Variants in FNBP1 observed in about 807,000 individuals in gnomAD.
FNBP1 encodes the protein formin-binding protein 1.
FNBP1 carries 26 observed loss-of-function variants against 90.6 expected under a neutral mutation model. The observed-to-expected ratio is 0.29, with a 90% CI of 0.21 to 0.40. FNBP1 has a LOEUF of 0.40. Among genes scored for constraint, FNBP1 ranks in the 10% least tolerant of loss-of-function variants. FNBP1 has a pLI of 1.00. For synonymous variants in FNBP1, 260 were observed against 265.2 expected (o/e 0.98, Z 0.19); for missense variants, 635 against 768.0 (o/e 0.83, Z 2.05).
chr9:129,958,661 T>C, intron 4 of FNBP1, 108 bp from the exon 5 acceptor site: 1 of 855,704 alleles, frequency 1.2e-6, no homozygotes, highest in Non-Finnish European at 1.9e-6. Flanking sequence ...GAACCTCTAG[T>C]ATGTATGCTC....
chr9:130,053,819 A>C, the FNBP1 span: 1 of 1,019,546 alleles, frequency 9.8e-7, no homozygotes, highest in Non-Finnish European at 1.4e-6. Context: ...GAAAACGACC[A>C]CAGGGTCAGC....
In FNBP1 at chr9:129,914,385, A is replaced by G. The variant is rs141700583; in HGVS notation, c.1185+1581T>C. ...TTCAAGGTAATGATATAAAGCAACA[A>G]TTCAATACCAAGTTGGTAAAATAAT... On this transcript the variant is annotated intron_variant, in intron 11 of 16. Coordinates refer to ENST00000446176, the MANE Select transcript of FNBP1 (RefSeq NM_015033.3). Among the ~76,000 whole-genome samples, 9 of 152,192 alleles carry G rather than the reference A, an allele frequency of 5.9e-5. No individual in the cohort carries two copies. The East Asian group carries it at 1.7e-3, about 29-fold the overall frequency.
chr9:130,009,075 T>G (rs2056194032), intron 1 of FNBP1, among the ~76,000 whole-genome samples: 3 of 152,136 alleles, frequency 2.0e-5, no homozygotes, highest in African/African-American at 7.2e-5. Flanking sequence ...ATTTCCAAGT[T>G]GGAGGGGGCA....
At chr9:130,051,169 G>A in the FNBP1 span, among the ~76,000 whole-genome samples, 1 of 152,034 alleles carries the variant, frequency 6.6e-6, no homozygotes, top group Non-Finnish European at 1.5e-5. Context: ...CCAAAGTGCT[G>A]AGATTACAGG....
Position 129,973,976 on chromosome 9 carries a change from A to G in FNBP1, c.345+4489T>C, listed in dbSNP as rs996369495. On this transcript the variant is annotated intron_variant, in intron 4 of 16. Transcript: ENST00000446176. ...CAGGCATGCACCATCATGCCCAGCT[A>G]ATTTTTTAAAATGTATTTTATATTT... Among the ~76,000 whole-genome samples the G allele has an allele frequency of 5.9e-5, 9 of 151,834 alleles. No homozygotes were observed. In the East Asian group the frequency reaches 1.7e-3, roughly 29 times the overall value.
At position 130,031,568 on chromosome 9, in the gene FNBP1, C is replaced by A. The variant is rs779139818; in HGVS notation, c.24+11384G>T. 2.0e-5 allele frequency among the ~76,000 whole-genome samples: 3 copies of A among 152,240 alleles called. No individual in the cohort carries two copies. The highest frequency in any genetic ancestry group is 2.9e-5 in the Non-Finnish European group (2 of 68,050). ...AACTTACTAGTCCTTCAGGACTCCA[C>A]TTGGATGCCATTTCCCCACCTGAGT... On this transcript the variant is annotated intron_variant, in intron 1 of 16. Transcript: ENST00000446176. This position sits in a 1 kb window ranked among gnomAD's most constrained non-coding sequence, Gnocchi z 4.2.
At chr9:130,017,977 A>G (rs806859) in intron 1 of FNBP1, among the ~76,000 whole-genome samples, 128,737 of 136,106 alleles carry the variant, frequency 0.95, 60,945 homozygotes, top group East Asian at 0.99. Flanking sequence ...GCAGCGGTGC[A>G]ATCTCGGCTC....
chr9:130,044,182 C>T (rs930405256), upstream of FNBP1, among the ~76,000 whole-genome samples: 1 of 152,226 alleles, frequency 6.6e-6, no homozygotes, highest in African/African-American at 2.4e-5. Flanking sequence ...GCTTATCTTT[C>T]TCCCTCGGTT....
At chr9:129,974,242 T>C (rs1249798391) in intron 4 of FNBP1, among the ~76,000 whole-genome samples, 2 of 152,104 alleles carry the variant, frequency 1.3e-5, no homozygotes, top group Non-Finnish European at 2.9e-5. Flanking sequence ...AAACACGCAC[T>C]GCCCCGAGAG....
chr9:130,023,903 A>G (rs933282896), intron 1 of FNBP1, among the ~76,000 whole-genome samples: 4 of 151,958 alleles, frequency 2.6e-5, no homozygotes, highest in Non-Finnish European at 4.4e-5. Flanking sequence ...CTGGCCCACA[A>G]TTCAGACTGG....
intron 4 of FNBP1, among the ~76,000 whole-genome samples, chr9:129,973,497 T>G (rs1368154925): frequency 2.0e-5 from 3 of 152,092 alleles, no homozygotes; most frequent in African/African-American, 7.2e-5. Context: ...TTTCTGTTTT[T>G]TGTTTGTTTG....
chr9:130,000,474 G>A (rs895545469), intron 1 of FNBP1, among the ~76,000 whole-genome samples: 9 of 152,086 alleles, frequency 5.9e-5, no homozygotes, highest in Non-Finnish European at 1.2e-4. Flanking sequence ...ACTCTAGCCT[G>A]GGTGATGGAG....
At chr9:130,001,841 T>C (rs916518563) in intron 1 of FNBP1, among the ~76,000 whole-genome samples, 1 of 151,744 alleles carries the variant, frequency 6.6e-6, no homozygotes, top group African/African-American at 2.4e-5. Context: ...CTGGCCAACA[T>C]GGTGAAACCC....
chr9:130,050,589 GACC>G, the FNBP1 span, among the ~76,000 whole-genome samples: 2 of 151,674 alleles, frequency 1.3e-5, no homozygotes, highest in East Asian at 3.9e-4. Context: ...GCCCCAATTT[GACC>G]ACTAGTTTCC....
intron 6 of FNBP1, among the ~76,000 whole-genome samples, chr9:129,935,436 C>G (rs568374598): frequency 6.6e-6 from 1 of 151,852 alleles, no homozygotes; most frequent in East Asian, 1.9e-4. Flanking sequence ...GTGGTATAAC[C>G]GAGTTATAAC....
chr9:130,024,672 C>T (rs2058164374), intron 1 of FNBP1, among the ~76,000 whole-genome samples: 1 of 152,180 alleles, frequency 6.6e-6, no homozygotes, highest in Non-Finnish European at 1.5e-5. Context: ...CAATTACTGG[C>T]ATTTCATAAT....
chr9:129,945,172 T>A (rs915920049), intron 6 of FNBP1, among the ~76,000 whole-genome samples: 2 of 152,188 alleles, frequency 1.3e-5, no homozygotes, highest in Non-Finnish European at 2.9e-5. Flanking sequence ...AATAAACGTG[T>A]CTTTTCTAGA....
At position 129,957,853 on chromosome 9, in the gene FNBP1, C is replaced by A. The variant is rs7865287; in HGVS notation, c.409-389G>T. Among the ~76,000 whole-genome samples the A allele has an allele frequency of 6.6e-6, 1 of 152,102 alleles. No homozygotes were observed. The highest frequency in any genetic ancestry group is 1.9e-4 in the East Asian group (1 of 5,194). ...CAGGCGTGAGCCAATGTGTCTGGCC[C>A]AAGAATACTCTTCTCTGAATTGATT... On this transcript the variant is annotated intron_variant, in intron 5 of 16. Coordinates refer to ENST00000446176, the MANE Select transcript of FNBP1 (RefSeq NM_015033.3). This position sits in a 1 kb window ranked among gnomAD's most constrained non-coding sequence, Gnocchi z 4.3.
At chr9:130,015,571 A>T (rs1266527808) in intron 1 of FNBP1, among the ~76,000 whole-genome samples, 1 of 152,200 alleles carries the variant, frequency 6.6e-6, no homozygotes, top group Non-Finnish European at 1.5e-5. Context: ...GTATACAAGG[A>T]TCCCTAACTT....
Sources: allele counts gnomAD v4.1 joint callset (sites outside exome capture counted in the v4.1 genomes callset), GRCh38; gene constraint gnomAD v4.1.1; non-coding constraint Gnocchi (gnomAD v3.1); transcripts MANE v1.5; gene names NCBI Gene and HGNC (gene_info 2026-07-23, HGNC 2026-07-21).